Variants in NFATC3 observed in about 807,000 individuals in gnomAD.
NFATC3 encodes nuclear factor of activated T-cells, cytoplasmic 3.
A neutral mutation model predicts 98.6 loss-of-function variants in NFATC3; 46 were observed. The ratio of observed to expected loss-of-function variants is 0.47; its 90% CI spans 0.37 to 0.60. The LOEUF is 0.60. NFATC3 is among the 20% of genes least tolerant of loss of function. The pLI is 0.00. For synonymous variants in NFATC3, 512 were observed against 472.2 expected (o/e 1.08, Z -1.09); for missense variants, 1,256 against 1,295.5 (o/e 0.97, Z 0.47).
intron 3 of NFATC3, among the ~76,000 whole-genome samples, chr16:68,152,138 G>A (rs936744709): frequency 6.6e-6 from 1 of 150,580 alleles, no homozygotes; most frequent in South Asian, 2.1e-4. Flanking sequence ...CAAGGTGGAC[G>A]GATCACTTGA....
chr16:68,101,137 TTTTCTTTTCTTTTC>T (rs1428554010), intron 1 of NFATC3, among the ~76,000 whole-genome samples: 1 of 151,996 alleles, frequency 6.6e-6, no homozygotes, highest in African/African-American at 2.4e-5. Context: ...TTCTCCTCGG[TTTTCTTTTCTTTTC>T]TTTTTTTTGA....
intron 1 of NFATC3, among the ~76,000 whole-genome samples, chr16:68,112,646 GTTTTTTTTTTTTTT>G (rs914607835): frequency 7.2e-5 from 7 of 97,644 alleles, no homozygotes; most frequent in Non-Finnish European, 1.1e-4. Context: ...TTTCTTTTTC[GTTTTTTTTTTTTTT>G]TTTTTTTTTG....
intron 3 of NFATC3, among the ~76,000 whole-genome samples, chr16:68,138,267 T>G (rs1795885199): frequency 6.6e-6 from 1 of 150,498 alleles, no homozygotes; most frequent in African/African-American, 2.4e-5. Flanking sequence ...CTCGAACTCC[T>G]GACCTCAAGT....
At chr16:68,224,370 G>A (rs1241968004) in intron 9 of NFATC3, among the ~76,000 whole-genome samples, 3 of 142,186 alleles carry the variant, frequency 2.1e-5, no homozygotes, top group Non-Finnish European at 4.5e-5. Context: ...TCCACCCGCC[G>A]GGTTCAAGCA....
In NFATC3 at chr16:68,192,230, A is replaced by AAAT. The variant is rs1555522047; in HGVS notation, c.3106+456_3106+457insATA. 470 of 82,580 alleles carry AAAT rather than the reference A, an allele frequency of 5.7e-3. 49 individuals are homozygous for AAAT. Among genetic ancestry groups the AAAT allele is most frequent in the African/African-American group, 0.012 (217 of 17,440 alleles). 5.1% of individuals were successfully genotyped at this position (82,580 alleles called of 1,614,324 possible). A position where few individuals can be genotyped will look rare whatever the true frequency, so the allele number is the denominator to read the frequency against. ...CTCGGGAAAAAAAAAAAAAAAAAAA[A>AAAT]ATATATATATATATATATATATATG... On this transcript the variant is annotated intron_variant, in intron 9 of 9. Coordinates refer to ENST00000346183, the MANE Select transcript of NFATC3 (RefSeq NM_173165.3).
At chr16:68,179,665 A>G (rs1415525649) in intron 6 of NFATC3, among the ~76,000 whole-genome samples, 3 of 152,244 alleles carry the variant, frequency 2.0e-5, no homozygotes, top group Non-Finnish European at 4.4e-5. Context: ...CTTTAGTAGC[A>G]GATAAGGCTG....
chr16:68,223,826 C>T (rs1026575277), intron 9 of NFATC3, among the ~76,000 whole-genome samples: 15 of 143,922 alleles, frequency 1.0e-4, no homozygotes, highest in Non-Finnish European at 2.2e-4. Context: ...ACCCGGGAGA[C>T]GGAGGTTGCA....
At position 68,122,263 on chromosome 16, in the gene NFATC3, A is replaced by C; in HGVS notation, c.380A>C (p.His127Pro). The change falls in exon 2 of 10, where the codon CAT (histidine) becomes CCT (proline). Residue 127 changes from histidine to proline, a missense_variant. By Grantham distance (77) the His-to-Pro change is moderately conservative. Transcript: ENST00000346183. ...AACTGTCATCAAGAATTAGATGCAC[A>C]TGAAGATGACCTACAGATAAATGAC... ...SPNCHQELDA[H>P]EDDLQINDPE... The C allele has an allele frequency of 1.2e-6, 2 of 1,614,184 alleles. No homozygotes were observed. The highest frequency in any genetic ancestry group is 1.7e-6 in the Non-Finnish European group (2 of 1,180,032).
chr16:68,191,518 T>G lies in NFATC3; in HGVS notation c.2849T>G (p.Met950Arg). 3.1e-6 allele frequency: 5 copies of G among 1,614,196 alleles called. No individual in the cohort carries two copies. The highest frequency in any genetic ancestry group is 4.2e-6 in the Non-Finnish European group (5 of 1,180,038). The change falls in exon 9 of 10, where the codon ATG (methionine) becomes AGG (arginine). Residue 950 changes from methionine (M) to arginine (R), a missense_variant. Transcript: ENST00000346183. ...SGPPSPQLQP[M>R]PYQSPSSGTA... Reference sequence around the variant, plus strand: ...CCACCATCTCCTCAGCTTCAGCCTATGCCTTACCAATCTCCTAGCTCAGGA... The same window carrying G: ...CCACCATCTCCTCAGCTTCAGCCTAGGCCTTACCAATCTCCTAGCTCAGGA...
chr16:68,121,672 CA>C (rs34100394), intron 1 of NFATC3, among the ~76,000 whole-genome samples: 7,585 of 73,376 alleles, frequency 0.1, 189 homozygotes, highest in Middle Eastern at 0.25. Context: ...GACCCTGTCT[CA>C]AAAAAAAAAA....
intron 3 of NFATC3, among the ~76,000 whole-genome samples, chr16:68,155,143 A>T (rs543450802): frequency 6.6e-6 from 1 of 152,332 alleles, no homozygotes; most frequent in African/African-American, 2.4e-5. Context: ...CCAATAAATT[A>T]TGAAGTTCGC....
At chr16:68,167,119 C>T (rs2039231732) in intron 5 of NFATC3, 104 bp downstream of exon 5, 11 of 1,189,556 alleles carry the variant, frequency 9.2e-6, no homozygotes, top group Non-Finnish European at 1.1e-5. Context: ...CTGAGGCATA[C>T]AATCTGGGTT....
At position 68,123,200 on chromosome 16, in the gene NFATC3, T is replaced by C; in HGVS notation, c.1238+79T>C. ...GGCATATAACTACATTATCAGTATA[T>C]AATGGTTATATAATGGTTTGACCAT... On this transcript the variant is annotated intron_variant, in intron 2 of 9. Transcript: ENST00000346183. 6.3e-6 allele frequency: 9 copies of C among 1,419,200 alleles called. No homozygotes were observed. In the South Asian group the frequency reaches 1.2e-4, roughly 18 times the overall value. The allele number at this position is 1,419,200 out of a possible 1,614,324, so 87.9% of individuals were successfully genotyped here. A position where few individuals can be genotyped will look rare whatever the true frequency, so the allele number is the denominator to read the frequency against.
At chr16:68,198,239 G>T (rs2040755897) in intron 9 of NFATC3, among the ~76,000 whole-genome samples, 1 of 152,132 alleles carries the variant, frequency 6.6e-6, no homozygotes, top group Admixed American at 6.6e-5. Context: ...GATTGCTTGA[G>T]CCCAGGAGGT....
intron 9 of NFATC3, among the ~76,000 whole-genome samples, chr16:68,220,701 A>G (rs1598629492): frequency 1.3e-5 from 2 of 148,372 alleles, no homozygotes; most frequent in Non-Finnish European, 3.0e-5. Flanking sequence ...AGGTCAGGAG[A>G]TCGACACCAT....
intron 1 of NFATC3, among the ~76,000 whole-genome samples, chr16:68,117,891 C>T (rs1330130606): frequency 6.6e-6 from 1 of 152,190 alleles, no homozygotes; most frequent in African/African-American, 2.4e-5. Context: ...ACTGGAGATA[C>T]AGCAGTTGAA....
intron 3 of NFATC3, among the ~76,000 whole-genome samples, chr16:68,131,224 A>G (rs1227205051): frequency 6.6e-6 from 1 of 152,190 alleles, no homozygotes; most frequent in East Asian, 1.9e-4. Context: ...TTGAATCTGT[A>G]GAATGTGTTT....
At chr16:68,109,849 A>T (rs770702374) in intron 1 of NFATC3, among the ~76,000 whole-genome samples, 8 of 151,188 alleles carry the variant, frequency 5.3e-5, no homozygotes, top group Non-Finnish European at 7.4e-5. Context: ...TAAGTTTTCT[A>T]GTTTATTTGC....
chr16:68,187,245 G>A (rs1322441175), intron 8 of NFATC3, among the ~76,000 whole-genome samples: 1 of 152,204 alleles, frequency 6.6e-6, no homozygotes, highest in Non-Finnish European at 1.5e-5. Context: ...GTGGCTCCTA[G>A]AAACTTGAGA....
Sources: allele counts gnomAD v4.1 joint callset (sites outside exome capture counted in the v4.1 genomes callset), GRCh38; gene constraint gnomAD v4.1.1; transcripts MANE v1.5; gene names NCBI Gene and HGNC (gene_info 2026-07-23, HGNC 2026-07-21).